Variants in MRPL1 observed in about 807,000 individuals in gnomAD.
MRPL1 encodes mitochondrial ribosomal protein L1, also known as large ribosomal subunit protein uL1m.
MRPL1 carries 28 observed loss-of-function variants against 38.0 expected under a neutral mutation model. The ratio of observed to expected loss-of-function variants is 0.74; its 90% CI spans 0.55 to 1.01. MRPL1 has a LOEUF of 1.01. Among genes scored for constraint, MRPL1 ranks in the 50% least tolerant of loss-of-function variants. MRPL1 has a pLI of 0.00. For synonymous variants in MRPL1, 123 were observed against 126.7 expected (o/e 0.97, Z 0.20); for missense variants, 358 against 389.8 (o/e 0.92, Z 0.69).
intron 7 of MRPL1, among the ~76,000 whole-genome samples, chr4:77,930,283 C>T (rs747245464): frequency 3.7e-4 from 56 of 152,092 alleles, no homozygotes; most frequent in African/African-American, 8.2e-4. Flanking sequence ...GATAATGGTC[C>T]GTGTCCTATT....
At chr4:77,889,459 A>T (rs1735757329) in intron 5 of MRPL1, among the ~76,000 whole-genome samples, 1 of 152,194 alleles carries the variant, frequency 6.6e-6, no homozygotes, top group African/African-American at 2.4e-5. Flanking sequence ...ACATACCAGA[A>T]TCTCTGGGAC....
rs548190661 is a variant in MRPL1 at position 77,892,064 on chromosome 4, ATTAGT to A, written c.559-2071_559-2067del. ...TTTTTATACATTCCTGTGTTTTTAA[ATTAGT>A]TTATCATTTTGCTTAGCTCTATAAA... On this transcript the variant is annotated intron_variant, in intron 5 of 8. Coordinates refer to ENST00000315567, the MANE Select transcript of MRPL1 (RefSeq NM_020236.4). Among the ~76,000 whole-genome samples, 644 of 152,132 alleles carry A rather than the reference ATTAGT, an allele frequency of 4.2e-3. 7 individuals are homozygous for A. The highest frequency in any genetic ancestry group is 0.015 in the African/African-American group (620 of 41,542).
At chr4:77,913,502 T>C (rs192858163) in intron 7 of MRPL1, among the ~76,000 whole-genome samples, 1 of 152,340 alleles carries the variant, frequency 6.6e-6, no homozygotes, top group Non-Finnish European at 1.5e-5. Flanking sequence ...TACCAACTGC[T>C]GTAAGGATGC....
At chr4:77,930,078 A>G (rs563048229) in intron 7 of MRPL1, among the ~76,000 whole-genome samples, 1 of 152,340 alleles carries the variant, frequency 6.6e-6, no homozygotes, top group South Asian at 2.1e-4. Flanking sequence ...ACTAGTGGCA[A>G]GTTTGCCATT....
chr4:77,935,192 G>A (rs1736937076), intron 7 of MRPL1, among the ~76,000 whole-genome samples: 1 of 152,142 alleles, frequency 6.6e-6, no homozygotes, highest in South Asian at 2.1e-4. Context: ...TCTGTATCCT[G>A]TATTGGAGTG....
At chr4:77,902,385 T>TAA (rs552547011) in intron 6 of MRPL1, among the ~76,000 whole-genome samples, 4,424 of 95,078 alleles carry the variant, frequency 0.047, 101 homozygotes, top group Middle Eastern at 0.098. Flanking sequence ...ACCGGCTTTC[T>TAA]AAAAAAAAAA....
intron 7 of MRPL1, among the ~76,000 whole-genome samples, chr4:77,935,396 C>A (rs1031486399): frequency 1.3e-5 from 2 of 149,798 alleles, no homozygotes; most frequent in African/African-American, 2.5e-5. Context: ...GAAAATAATT[C>A]TTTTTTTTTT....
intron 2 of MRPL1, among the ~76,000 whole-genome samples, chr4:77,881,542 G>C (rs1028990601): frequency 6.6e-6 from 1 of 150,486 alleles, no homozygotes; most frequent in African/African-American, 2.5e-5. Flanking sequence ...CCTGAGCTCA[G>C]GTGATCCTTC....
At chr4:77,878,283 A>G (rs1191046348) in intron 2 of MRPL1, among the ~76,000 whole-genome samples, 1 of 152,222 alleles carries the variant, frequency 6.6e-6, no homozygotes, top group African/African-American at 2.4e-5. Flanking sequence ...TGGAAACAGA[A>G]CTTCTGCATT....
chr4:77,894,161 C>T lies in MRPL1; in HGVS notation c.581C>T (p.Ala194Val). 1 of 1,598,556 alleles carries T rather than the reference C, an allele frequency of 6.3e-7. No individual in the cohort carries two copies. The highest frequency in any genetic ancestry group is 1.1e-5 in the South Asian group (1 of 88,036). Reference sequence around the variant, plus strand: ...CAGATTTGGGATGATGAAATTGTTGCAGACTTTTACGTAGCTGTTCCAGAA... The same window carrying T: ...CAGATTTGGGATGATGAAATTGTTGTAGACTTTTACGTAGCTGTTCCAGAA... ...IQKIWDDEIV[A>V]DFYVAVPEIM... The change falls in exon 6 of 9, where the codon GCA becomes GTA. Residue 194 changes from alanine to valine, a missense_variant. Transcript: ENST00000315567.
At chr4:77,867,775 T>TC (rs1199890234) in intron 1 of MRPL1, among the ~76,000 whole-genome samples, 2 of 120,186 alleles carry the variant, frequency 1.7e-5, no homozygotes, top group Admixed American at 1.9e-4. Context: ...TTTTTTTTTT[T>TC]AGACGGAGTC....
chr4:77,903,585 TGAG>T (rs1305739005), intron 6 of MRPL1, among the ~76,000 whole-genome samples: 2 of 152,222 alleles, frequency 1.3e-5, no homozygotes, highest in Non-Finnish European at 2.9e-5. Context: ...GTGAATTTAA[TGAG>T]GTTATAGGAT....
chr4:77,892,814 T>C (rs1245953840), intron 5 of MRPL1, among the ~76,000 whole-genome samples: 1 of 152,216 alleles, frequency 6.6e-6, no homozygotes, highest in Admixed American at 6.5e-5. Context: ...ACAGACTGAC[T>C]CATCCTCCCT....
intron 7 of MRPL1, among the ~76,000 whole-genome samples, chr4:77,941,048 C>G (rs1578064059): frequency 6.6e-6 from 1 of 152,168 alleles, no homozygotes; most frequent in Middle Eastern, 3.4e-3. Flanking sequence ...GGTGGATCAC[C>G]TGATGTCAGG....
chr4:77,873,544 C>G (rs1735331552), intron 2 of MRPL1, among the ~76,000 whole-genome samples: 1 of 152,204 alleles, frequency 6.6e-6, no homozygotes, highest in South Asian at 2.1e-4. Context: ...TTTTTGCTGA[C>G]TGTAAATTTT....
At chr4:77,922,352 T>C (rs1253383943) in intron 7 of MRPL1, among the ~76,000 whole-genome samples, 1 of 152,222 alleles carries the variant, frequency 6.6e-6, no homozygotes, top group East Asian at 1.9e-4. Context: ...CTAGCATAGC[T>C]AGCGTGGCTA....
chr4:77,868,209 C>G (rs561178952), intron 1 of MRPL1, among the ~76,000 whole-genome samples: 1 of 151,826 alleles, frequency 6.6e-6, no homozygotes, highest in Non-Finnish European at 1.5e-5. Context: ...ACTACAGGCA[C>G]GTGTCACCAT....
At chr4:77,933,664 C>T (rs1736897708) in intron 7 of MRPL1, among the ~76,000 whole-genome samples, 1 of 152,172 alleles carries the variant, frequency 6.6e-6, no homozygotes, top group Non-Finnish European at 1.5e-5. Flanking sequence ...CTAACTTTCA[C>T]ATCAGTGGAA....
intron 6 of MRPL1, among the ~76,000 whole-genome samples, chr4:77,905,252 T>G (rs1199305450): frequency 6.6e-6 from 1 of 152,014 alleles, no homozygotes; most frequent in Non-Finnish European, 1.5e-5. Flanking sequence ...ATCTCAACAC[T>G]TTGGGAGGCC....
Sources: gnomAD v4.1 joint callset for allele counts (sites outside exome capture counted in the v4.1 genomes callset) on GRCh38, gnomAD v4.1.1 for gene constraint, MANE v1.5 for transcripts, NCBI Gene and HGNC (gene_info 2026-07-23, HGNC 2026-07-21) for gene names.